C1orf174: variants seen among roughly 807,000 people sequenced by gnomAD.
The protein encoded by C1orf174 is UPF0688 protein C1orf174.
C1orf174 carries 13 observed loss-of-function variants against 18.4 expected under a neutral mutation model. That is an observed-to-expected ratio of 0.71 (90% CI 0.46 to 1.12). The LOEUF (loss-of-function observed/expected upper bound fraction) is 1.12. Ranked by LOEUF, C1orf174 falls within the 50% of genes most tolerant of loss-of-function variation. The pLI is 0.00. For synonymous variants in C1orf174, 100 were observed against 118.3 expected, an observed-to-expected ratio of 0.85 and a Z score of 1.01; for missense variants, 309 against 308.0, an observed-to-expected ratio of 1.00 and a Z score of -0.02.
At chr1:3,897,966 T>C (rs1489811944) in intron 1 of C1orf174, among the ~76,000 whole-genome samples, 2 of 151,790 alleles carry the variant, frequency 1.3e-5, no homozygotes, top group South Asian at 2.1e-4. Flanking sequence ...CCTGGCCCCA[T>C]ATCCAGGAAT....
rs544875983 is a variant in C1orf174, at chr1:3,896,850, T to A, written c.15+3322A>T. On this transcript the variant is annotated intron_variant, in intron 1 of 3. Coordinates refer to ENST00000361605, the MANE Select transcript of C1orf174 (RefSeq NM_207356.3). ...TGAGAACAGCACAATAACCTGGCATTAGCGAAGTTCAACAGCTGGATGTGG... is the reference window on the plus strand; with the variant it reads ...TGAGAACAGCACAATAACCTGGCATAAGCGAAGTTCAACAGCTGGATGTGG... Among the ~76,000 whole-genome samples, 3 of 152,318 alleles carry A rather than the reference T, an allele frequency of 2.0e-5. No individual in the cohort carries two copies. In the East Asian group the frequency reaches 5.8e-4, roughly 29 times the overall value.
chr1:3,900,040 G>A (rs112886428), intron 1 of C1orf174, 132 bp downstream of exon 1: 193,966 of 1,144,290 alleles, frequency 0.17, 17,480 homozygotes, highest in African/African-American at 0.28. Context: ...AACTACTGCC[G>A]GGGGCGAGGC....
At chr1:3,891,429 C>A in intron 2 of C1orf174, 1 of 229,928 alleles carries the variant, frequency 4.3e-6, no homozygotes, top group Non-Finnish European at 7.8e-6. Context: ...GGCATAAGCT[C>A]TGTGAAGGCA....
intron 2 of C1orf174, 65 bp from the exon 3 acceptor site, chr1:3,891,122 G>C (rs1638503509): frequency 2.7e-6 from 4 of 1,507,258 alleles, no homozygotes; most frequent in Non-Finnish European, 2.7e-6. Context: ...CCTCAATCCA[G>C]AGGCTAGTAT....
rs375806644 is a variant in C1orf174 at position 3,900,253 on chromosome 1, G to C, written c.-67C>G. On this transcript the variant is annotated 5_prime_UTR_variant, in exon 1 of 4. Transcript: ENST00000361605. ...CGCGTCCCGGCGGAGCGGCGACCCGGAGTCTGCAGAGCGCGCCGCGGCGGC... is the reference window on the plus strand; with the variant it reads ...CGCGTCCCGGCGGAGCGGCGACCCGCAGTCTGCAGAGCGCGCCGCGGCGGC... The C allele has an allele frequency of 1.6e-4, 233 of 1,500,004 alleles. No homozygotes were observed. In the African/African-American group the frequency reaches 2.9e-3, roughly 19 times the overall value. The allele number at this position is 1,500,004 out of a possible 1,614,324, so 92.9% of individuals were successfully genotyped here. A position where few individuals can be genotyped will look rare whatever the true frequency, so the allele number is the denominator to read the frequency against.
Position 3,890,840 on chromosome 1 carries a change from GC to G in C1orf174, c.346del (p.Ala116LeufsTer12). The G allele has an allele frequency of 5.0e-6, 8 of 1,613,480 alleles. No individual in the cohort carries two copies. The highest frequency in any genetic ancestry group is 6.8e-6 in the Non-Finnish European group (8 of 1,180,020). On this transcript the variant is annotated frameshift_variant, in exon 3 of 4. Transcript: ENST00000361605. LOFTEE classifies it high-confidence loss of function. ...SEAGVSVQQG[A>X]ASLPLGGCRV... ...GCAGCCACCGAGAGGAAGACTTGCAGCCCCCTGCTGCACAGAAACGCCAGCC... is the reference window on the plus strand; with the variant it reads ...GCAGCCACCGAGAGGAAGACTTGCAGCCCCTGCTGCACAGAAACGCCAGCC...
chr1:3,893,661 G>A (rs1638552788), intron 1 of C1orf174, among the ~76,000 whole-genome samples: 2 of 152,238 alleles, frequency 1.3e-5, no homozygotes, highest in Non-Finnish European at 2.9e-5. Flanking sequence ...TTGGGAAGCT[G>A]AGGTAGGAGG....
Position 3,900,221 on chromosome 1 carries a change from C to A in C1orf174, c.-35G>T, listed in dbSNP as rs773751412. The A allele has an allele frequency of 6.4e-7, 1 of 1,559,306 alleles. No individual in the cohort carries two copies. Among genetic ancestry groups the A allele is most frequent in the Non-Finnish European group, 8.6e-7 (1 of 1,164,316 alleles). On this transcript the variant is annotated 5_prime_UTR_variant, in exon 1 of 4. Transcript: ENST00000361605. Reference sequence around the variant, plus strand: ...CACCGCAGCCAAGCACCGCGCGCCCCGGCCAACGCGTCCCGGCGGAGCGGC... The same window carrying A: ...CACCGCAGCCAAGCACCGCGCGCCCAGGCCAACGCGTCCCGGCGGAGCGGC...
chr1:3,892,617 C>T (rs1346262504), intron 2 of C1orf174: 17 of 851,796 alleles, frequency 2.0e-5, no homozygotes, highest in East Asian at 1.4e-4. Context: ...GACACACACA[C>T]GGGTGGGCGG....
chr1:3,898,529 AACAACAAC>A (rs1470557114), intron 1 of C1orf174, among the ~76,000 whole-genome samples: 17 of 136,952 alleles, frequency 1.2e-4, no homozygotes, highest in African/African-American at 3.3e-4. Flanking sequence ...CAACAACAAC[AACAACAAC>A]AACAACAACA....
chr1:3,898,531 C>G (rs1343119542), intron 1 of C1orf174, among the ~76,000 whole-genome samples: 1 of 139,282 alleles, frequency 7.2e-6, no homozygotes, highest in Non-Finnish European at 1.6e-5. Context: ...ACAACAACAA[C>G]AACAACAACA....
intron 2 of C1orf174, 180 bp downstream of exon 2, chr1:3,892,703 A>T (rs1014169345): frequency 1.6e-5 from 23 of 1,445,616 alleles, no homozygotes; most frequent in Non-Finnish European, 1.9e-5. Context: ...TGGCCTGCAG[A>T]GTGTGTCTTT....
At chr1:3,895,466 G>A (rs2124786423) in intron 1 of C1orf174, 1 of 152,382 alleles carries the variant, frequency 6.6e-6, no homozygotes, top group African/African-American at 2.4e-5. Context: ...AGGTTCATCA[G>A]GTGGACCTTT....
At chr1:3,892,812 G>T in intron 2 of C1orf174, 71 bp downstream of exon 2, 1 of 1,561,754 alleles carries the variant, frequency 6.4e-7, no homozygotes, top group East Asian at 2.3e-5. Context: ...ACACATCTTG[G>T]AGTGGCAATT....
intron 2 of C1orf174, 24 bp from the exon 3 acceptor site, chr1:3,891,081 G>C: frequency 6.3e-7 from 1 of 1,590,592 alleles, no homozygotes; most frequent in Non-Finnish European, 8.5e-7. Context: ...AAATGTAAGG[G>C]GAACCAGACA....
intron 3 of C1orf174, 130 bp downstream of exon 3, chr1:3,890,439 G>T: frequency 3.0e-6 from 4 of 1,313,832 alleles, no homozygotes; most frequent in Non-Finnish European, 4.1e-6. Context: ...TCTCCTCGTG[G>T]GTTAAAATGA....
At chr1:3,900,107 A>C in intron 1 of C1orf174, 65 bp downstream of exon 1, 1 of 1,541,796 alleles carries the variant, frequency 6.5e-7, no homozygotes. Context: ...CCGGTTCTCC[A>C]GACAGCAGGT....
rs765067835 is a variant in C1orf174 at position 3,891,041 on chromosome 1, T to C, written c.146A>G (p.Lys49Arg). The change falls in exon 3 of 4, where the codon AAA (lysine) becomes AGA (arginine). Residue 49 changes from lysine to arginine, a missense_variant. By Grantham distance (26) the Lys-to-Arg change is conservative. Coordinates refer to ENST00000361605, the MANE Select transcript of C1orf174 (RefSeq NM_207356.3). ...CTTGGACGTTCGCGTGTCTGTGGCT[T>C]TGTGGGATGAGGAAGTCTGTCAAGA... ...KTACLTSSSH[K>R]ATDTRTSKKF... The C allele has an allele frequency of 9.9e-6, 16 of 1,611,246 alleles. No homozygotes were observed. The highest frequency in any genetic ancestry group is 8.4e-5 in the Admixed American group (5 of 59,716).
intron 2 of C1orf174, chr1:3,891,305 TAC>T: frequency 2.1e-6 from 1 of 473,486 alleles, no homozygotes; most frequent in Admixed American, 4.0e-5. Flanking sequence ...ACACCACTCC[TAC>T]ACTTTCAGTT....
Sources: gnomAD v4.1 joint callset for allele counts (sites outside exome capture counted in the v4.1 genomes callset) on GRCh38, gnomAD v4.1.1 for gene constraint, MANE v1.5 for transcripts, NCBI Gene and HGNC (gene_info 2026-07-23, HGNC 2026-07-21) for gene names.